The following SYNJ2 variants were observed in gnomAD, a reference collection of about 807,000 sequenced individuals.
SYNJ2 encodes the protein polyphosphatidylinositol phosphatase SYNJ2.
A neutral mutation model predicts 141.3 loss-of-function variants in SYNJ2; 116 were observed. The observed-to-expected ratio is 0.82, with a 90% CI of 0.71 to 0.96. The LOEUF (loss-of-function observed/expected upper bound fraction) is 0.96, where lower values mean the gene tolerates loss of function less well. Among genes scored for constraint, SYNJ2 ranks in the 40% least tolerant of loss-of-function variants. The pLI, the probability that SYNJ2 is intolerant of heterozygous loss-of-function variation, is 0.00. For missense variants in SYNJ2, 1,873 were observed against 1,934.8 expected, an observed-to-expected ratio of 0.97 and a Z score of 0.60; for synonymous variants, 745 against 777.7, an observed-to-expected ratio of 0.96 and a Z score of 0.70.
chr6:158,010,883 C>T lies in SYNJ2; in HGVS notation c.128-6321C>T, dbSNP rs568217959. On this transcript the variant is annotated intron_variant, in intron 1 of 26. Transcript: ENST00000355585. ...TCAGGAGAGGATGGCCTCGTGACAA[C>T]GGGGGAATGCCAAAAGAGGATGGCC... Among the ~76,000 whole-genome samples the T allele has an allele frequency of 7.1e-5, 9 of 127,146 alleles. No individual in the cohort carries two copies. In the East Asian group the frequency reaches 9.5e-4, roughly 13 times the overall value. The allele number at this position is 127,146 out of a possible 152,430, so 83.4% of individuals were successfully genotyped here. A position where few individuals can be genotyped will look rare whatever the true frequency, so the allele number is the denominator to read the frequency against.
chr6:158,088,939 T>A (rs972702494), intron 24 of SYNJ2, among the ~76,000 whole-genome samples, 167 bp downstream of exon 24: 9 of 152,280 alleles, frequency 5.9e-5, no homozygotes, highest in African/African-American at 2.2e-4. Context: ...CATAGGGCTT[T>A]TAAATGGTTG....
chr6:157,985,773 G>C (rs7770805), intron 1 of SYNJ2, among the ~76,000 whole-genome samples: 36,593 of 152,086 alleles, frequency 0.24, 5,142 homozygotes, highest in African/African-American at 0.38. Context: ...GAGTGAAGTC[G>C]TGCCTCCTGC....
intron 1 of SYNJ2, among the ~76,000 whole-genome samples, chr6:157,994,904 G>A (rs1320409655): frequency 1.3e-5 from 2 of 152,164 alleles, no homozygotes; most frequent in Non-Finnish European, 2.9e-5. Context: ...TCCTGGCCAG[G>A]AGCGCCCCTC....
At chr6:158,074,536 C>G in intron 15 of SYNJ2, 44 bp from the exon 16 acceptor site, 1 of 1,591,520 alleles carries the variant, frequency 6.3e-7, no homozygotes, top group African/African-American at 1.4e-5. Context: ...TCCCACCTTC[C>G]TTGCAAGATG....
At chr6:158,039,341 G>C (rs76392335) in intron 4 of SYNJ2, among the ~76,000 whole-genome samples, 22 of 152,246 alleles carry the variant, frequency 1.4e-4, no homozygotes, top group Non-Finnish European at 3.1e-4. Flanking sequence ...GTTCTTCTAG[G>C]ATGAGTCAGG....
chr6:158,055,657 C>T (rs1389822939), intron 6 of SYNJ2, among the ~76,000 whole-genome samples: 1 of 152,070 alleles, frequency 6.6e-6, no homozygotes, highest in Non-Finnish European at 1.5e-5. Flanking sequence ...CTTATTTAAT[C>T]TAAATACTCA....
intron 2 of SYNJ2, 114 bp downstream of exon 2, chr6:158,017,404 T>TC: frequency 1.1e-6 from 1 of 946,118 alleles, no homozygotes; most frequent in South Asian, 2.1e-5. Context: ...CTCTCTCTCT[T>TC]CTTTTTTTTT....
At position 158,071,292 on chromosome 6, in the gene SYNJ2, G is replaced by A. The variant is rs957278742; in HGVS notation, c.1941-310G>A. Among the ~76,000 whole-genome samples the A allele has an allele frequency of 5.3e-5, 8 of 152,224 alleles. No individual in the cohort carries two copies. The highest frequency in any genetic ancestry group is 1.0e-4 in the Non-Finnish European group (7 of 68,038). On this transcript the variant is annotated intron_variant, in intron 14 of 26. Coordinates refer to ENST00000355585, the MANE Select transcript of SYNJ2 (RefSeq NM_003898.4). The surrounding 1 kb of genome is among the most constrained non-coding windows in gnomAD (Gnocchi z 4.3). Reference sequence around the variant, plus strand: ...TGGGCTGGTGGGTGGTGATGTTTGCGCCGCTCCTGGTGGCAGTGAGAACCT... The same window carrying A: ...TGGGCTGGTGGGTGGTGATGTTTGCACCGCTCCTGGTGGCAGTGAGAACCT...
rs1783089449 is a variant in SYNJ2, at chr6:158,086,984, C to G, written c.3338C>G (p.Pro1113Arg). Residue 1113 changes from proline to arginine, a missense_variant, in exon 23 of 27, where the codon CCT (proline) becomes CGT (arginine). Physicochemically the swap from Pro to Arg is moderately radical, Grantham distance 103. Transcript: ENST00000355585. ...CCTCAACCCCCGCAGAGACCCCCCC[C>G]TCCAAGTAAGACTCTGCTTGCTTTC... ...RPPQPPQRPPPPTGLMVKKSA... is the reference protein window; with the variant it reads ...RPPQPPQRPPRPTGLMVKKSA... 3.3e-6 allele frequency: 5 copies of G among 1,533,738 alleles called. No individual in the cohort carries two copies. Among genetic ancestry groups the G allele is most frequent in the African/African-American group, 2.7e-5 (2 of 73,024 alleles).
At chr6:158,037,037 G>C (rs1779673091) in intron 4 of SYNJ2, among the ~76,000 whole-genome samples, 1 of 152,192 alleles carries the variant, frequency 6.6e-6, no homozygotes, top group African/African-American at 2.4e-5. Context: ...TAGCGGCACT[G>C]TCCTTCCTAA....
chr6:158,046,028 C>A (rs1780218334), intron 5 of SYNJ2, among the ~76,000 whole-genome samples: 1 of 152,160 alleles, frequency 6.6e-6, no homozygotes, highest in Non-Finnish European at 1.5e-5. Context: ...CTGCAACCTC[C>A]ACTTCCTGGG....
intron 1 of SYNJ2, among the ~76,000 whole-genome samples, chr6:158,007,081 T>C (rs1001302745): frequency 3.9e-5 from 6 of 152,150 alleles, no homozygotes; most frequent in African/African-American, 1.4e-4. Context: ...TCCTCTCACC[T>C]CAGCCTCCCA....
intron 1 of SYNJ2, among the ~76,000 whole-genome samples, chr6:157,996,978 C>T (rs1386952951): frequency 6.6e-6 from 1 of 152,146 alleles, no homozygotes; most frequent in Non-Finnish European, 1.5e-5. Flanking sequence ...CAGACTAGTA[C>T]ACCAAGGGTT....
rs1392002650 is a variant in SYNJ2, at chr6:158,098,048, G to A, written c.*1684G>A. ...GGGAGAGAGCAAGATGGGTTCCTTGGAGAAGCTGATTTGCCAAGATGCACA... is the reference window on the plus strand; with the variant it reads ...GGGAGAGAGCAAGATGGGTTCCTTGAAGAAGCTGATTTGCCAAGATGCACA... On this transcript the variant is annotated 3_prime_UTR_variant, in exon 27 of 27. Transcript: ENST00000355585. 6.6e-6 allele frequency: 1 copy of A among 151,500 alleles called. No homozygotes were observed. Among genetic ancestry groups the A allele is most frequent in the Non-Finnish European group, 1.5e-5 (1 of 67,972 alleles). The allele number at this position is 151,500 out of a possible 1,614,324, so 9.4% of individuals were successfully genotyped here. A position where few individuals can be genotyped will look rare whatever the true frequency, so the allele number is the denominator to read the frequency against.
intron 25 of SYNJ2, among the ~76,000 whole-genome samples, chr6:158,091,557 G>A (rs1783453039): frequency 6.6e-6 from 1 of 151,580 alleles, no homozygotes; most frequent in African/African-American, 2.4e-5. Context: ...GACCATCCTG[G>A]CTAACACAGT....
At chr6:158,088,153 C>G (rs1295925700) in intron 23 of SYNJ2, among the ~76,000 whole-genome samples, 1 of 145,980 alleles carries the variant, frequency 6.9e-6, no homozygotes, top group East Asian at 2.0e-4. Flanking sequence ...CTTGACCTCC[C>G]CGGCTCAAGC....
intron 5 of SYNJ2, among the ~76,000 whole-genome samples, chr6:158,045,678 TAA>T (rs1780200953): frequency 6.6e-6 from 1 of 152,128 alleles, no homozygotes; most frequent in South Asian, 2.1e-4. Context: ...CTCCTGTTTC[TAA>T]GACTCTCAAT....
At chr6:158,003,363 G>A (rs1228679441) in intron 1 of SYNJ2, among the ~76,000 whole-genome samples, 1 of 152,202 alleles carries the variant, frequency 6.6e-6, no homozygotes, top group Non-Finnish European at 1.5e-5. Flanking sequence ...GCAACCAGCT[G>A]CAGCCTTGCT....
chr6:158,018,029 G>T (rs1045050875), intron 2 of SYNJ2, among the ~76,000 whole-genome samples: 2 of 152,246 alleles, frequency 1.3e-5, no homozygotes, highest in African/African-American at 4.8e-5. Flanking sequence ...CACAGGGGTG[G>T]GCTGGGAGTT....
Sources: allele counts gnomAD v4.1 joint callset (sites outside exome capture counted in the v4.1 genomes callset), GRCh38; gene constraint gnomAD v4.1.1; non-coding constraint Gnocchi (gnomAD v3.1); transcripts MANE v1.5; gene names NCBI Gene and HGNC (gene_info 2026-07-23, HGNC 2026-07-21).